The following ITGB3BP variants were observed in gnomAD, a reference collection of about 807,000 sequenced individuals.
The protein encoded by ITGB3BP is centromere protein R.
In ITGB3BP, 27 loss-of-function variants were observed where a neutral mutation model predicts 29.1. The ratio of observed to expected loss-of-function variants is 0.93; its 90% CI spans 0.68 to 1.28. ITGB3BP has a LOEUF of 1.28. ITGB3BP is among the 50% of genes most tolerant of loss of function. The pLI, the probability that ITGB3BP is intolerant of heterozygous loss-of-function variation, is 0.00. For synonymous variants in ITGB3BP, 61 were observed against 61.4 expected, an observed-to-expected ratio of 0.99 and a Z score of 0.03; for missense variants, 192 against 200.2, an observed-to-expected ratio of 0.96 and a Z score of 0.25.
At chr1:63,511,190 T>C (rs951439635) in intron 1 of ITGB3BP, among the ~76,000 whole-genome samples, 1 of 152,090 alleles carries the variant, frequency 6.6e-6, no homozygotes, top group African/African-American at 2.4e-5. Flanking sequence ...ACATCTCTAA[T>C]CATTAGGGAA....
chr1:63,456,364 G>A (rs935812716), intron 4 of ITGB3BP, among the ~76,000 whole-genome samples: 3 of 151,924 alleles, frequency 2.0e-5, no homozygotes, highest in East Asian at 1.9e-4. Context: ...CCTTTATTAC[G>A]TATTTTCAAT....
chr1:63,483,898 T>C (rs925467996), intron 3 of ITGB3BP, among the ~76,000 whole-genome samples: 5 of 152,196 alleles, frequency 3.3e-5, no homozygotes, highest in Non-Finnish European at 5.9e-5. Flanking sequence ...ATAGCATAAA[T>C]GTGTAGTAGG....
intron 1 of ITGB3BP, among the ~76,000 whole-genome samples, chr1:63,509,111 A>C (rs1366743174): frequency 6.6e-6 from 1 of 152,200 alleles, no homozygotes; most frequent in Non-Finnish European, 1.5e-5. Context: ...CTATGTCTTT[A>C]TAAGTCCCCA....
At chr1:63,453,866 C>CA (rs770820160) in intron 7 of ITGB3BP, 52 bp downstream of exon 7, 79 of 1,098,200 alleles carry the variant, frequency 7.2e-5, no homozygotes, top group Non-Finnish European at 9.7e-5. Context: ...TTTTAATTGG[C>CA]AAAATGGGAT....
chr1:63,487,553 A>G (rs1645554772), intron 3 of ITGB3BP, among the ~76,000 whole-genome samples: 2 of 152,092 alleles, frequency 1.3e-5, no homozygotes, highest in Non-Finnish European at 2.9e-5. Context: ...CCTACCACAC[A>G]CCTAGTGTAT....
rs145752875 is a variant in ITGB3BP at position 63,515,934 on chromosome 1, T to A, written c.5+7195A>T. Among the ~76,000 whole-genome samples the A allele has an allele frequency of 3.9e-3, 585 of 151,240 alleles. 3 individuals carry two copies. Among genetic ancestry groups the A allele is most frequent in the African/African-American group, 0.014 (563 of 41,186 alleles). ...TATATCAAAAAGACAAATGTACTTG[T>A]ACATTTATTGTAGCACTATTCACAA... On this transcript the variant is annotated intron_variant, in intron 1 of 8. Transcript: ENST00000271002.
In ITGB3BP at chr1:63,478,779, G is replaced by A; in HGVS notation, c.239C>T (p.Thr80Ile). 1 of 1,455,270 alleles carries A rather than the reference G, an allele frequency of 6.9e-7. No homozygotes were observed. Among genetic ancestry groups the A allele is most frequent in the Admixed American group, 2.3e-5 (1 of 43,728 alleles). The allele number at this position is 1,455,270 out of a possible 1,614,324, so 90.1% of individuals were successfully genotyped here. A position where few individuals can be genotyped will look rare whatever the true frequency, so the allele number is the denominator to read the frequency against. Residue 80 changes from threonine to isoleucine, a missense_variant, in exon 4 of 9, where the codon ACA (threonine) becomes ATA (isoleucine). Physicochemically the swap from Thr to Ile is moderately conservative, Grantham distance 89 (BLOSUM62 -1). Coordinates refer to ENST00000271002, the MANE Select transcript of ITGB3BP (RefSeq NM_014288.5). ...ACAAACTTACTCATCATTGTCTTTT[G>A]TTGTAGATTCTTTGCTTTCAGTTAA... ...PSLTESKESTTKDNDEFMMLL... is the reference protein window; with the variant it reads ...PSLTESKESTIKDNDEFMMLL...
chr1:63,503,016 TG>T (rs940181320), intron 2 of ITGB3BP, among the ~76,000 whole-genome samples: 3 of 152,158 alleles, frequency 2.0e-5, no homozygotes, highest in Admixed American at 2.0e-4. Flanking sequence ...TATAATCCTT[TG>T]GGGTATATAC....
intron 2 of ITGB3BP, among the ~76,000 whole-genome samples, chr1:63,505,145 C>A (rs1236277479): frequency 1.3e-5 from 2 of 152,010 alleles, no homozygotes; most frequent in Non-Finnish European, 2.9e-5. Flanking sequence ...TGGTCCTGGA[C>A]TTTTTTTGGT....
At chr1:63,474,925 AC>A (rs56177781) in intron 4 of ITGB3BP, among the ~76,000 whole-genome samples, 851 of 14,674 alleles carry the variant, frequency 0.058, 11 homozygotes, top group Middle Eastern at 0.1. Flanking sequence ...TAAAAACAAA[AC>A]AAAACAAAAA....
intron 2 of ITGB3BP, among the ~76,000 whole-genome samples, chr1:63,506,151 G>C (rs1402760385): frequency 1.3e-5 from 2 of 152,180 alleles, no homozygotes; most frequent in East Asian, 1.9e-4. Flanking sequence ...GGGAGTCTAA[G>C]TCTCTTTCTA....
At chr1:63,491,956 C>A (rs1203716860) in intron 2 of ITGB3BP, among the ~76,000 whole-genome samples, 1 of 151,984 alleles carries the variant, frequency 6.6e-6, no homozygotes, top group Non-Finnish European at 1.5e-5. Flanking sequence ...TTTATCCAAT[C>A]CCTACTCTAC....
intron 2 of ITGB3BP, among the ~76,000 whole-genome samples, chr1:63,507,211 C>T (rs1646100188): frequency 1.3e-5 from 2 of 152,138 alleles, no homozygotes; most frequent in South Asian, 4.1e-4. Context: ...TAGTACCAAG[C>T]TAAATCAACT....
intron 4 of ITGB3BP, among the ~76,000 whole-genome samples, chr1:63,455,864 G>T (rs1000250370): frequency 7.0e-6 from 1 of 142,898 alleles, no homozygotes; most frequent in Non-Finnish European, 1.5e-5. Flanking sequence ...GGAATAAAAA[G>T]GTAAATTTTC....
intron 8 of ITGB3BP, among the ~76,000 whole-genome samples, 174 bp from the exon 9 acceptor site, chr1:63,441,277 C>A (rs968369511): frequency 1.3e-5 from 2 of 152,102 alleles, no homozygotes; most frequent in Non-Finnish European, 2.9e-5. Flanking sequence ...TCTCACTCTC[C>A]CCCAGGCTGG....
In ITGB3BP at chr1:63,522,945, T is replaced by C. The variant is rs1646491994; in HGVS notation, c.5+184A>G. On this transcript the variant is annotated intron_variant, in intron 1 of 8. Transcript: ENST00000271002. ...AACAGAAAGCGAAGGAGGACTATCG[T>C]ATGAGTACCGCTGGAGGAGACGTAG... The C allele has an allele frequency of 8.9e-6, 7 of 788,678 alleles. No homozygotes were observed. In the East Asian group the frequency reaches 1.7e-4, roughly 19 times the overall value. 48.9% of individuals were successfully genotyped at this position (788,678 alleles called of 1,614,324 possible). A position where few individuals can be genotyped will look rare whatever the true frequency, so the allele number is the denominator to read the frequency against.
At chr1:63,520,885 T>C (rs1477601138) in intron 1 of ITGB3BP, among the ~76,000 whole-genome samples, 1 of 152,194 alleles carries the variant, frequency 6.6e-6, no homozygotes, top group East Asian at 1.9e-4. Flanking sequence ...TATTTTTGCG[T>C]GTTCTTAAGT....
intron 2 of ITGB3BP, among the ~76,000 whole-genome samples, chr1:63,496,838 T>C (rs1014106069): frequency 1.3e-5 from 2 of 152,162 alleles, no homozygotes; most frequent in Non-Finnish European, 2.9e-5. Context: ...TGAGTATGAA[T>C]AGGAAGGTGG....
rs762589977 is a variant in ITGB3BP at position 63,490,046 on chromosome 1, A to C, written c.184+37T>G. On this transcript the variant is annotated intron_variant, in intron 3 of 8. Transcript: ENST00000271002. Reference sequence around the variant, plus strand: ...ATTTTGATTTGGCCAATAACTAGAAAAACCTTACAATAAGTAGAAAAGAAT... The same window carrying C: ...ATTTTGATTTGGCCAATAACTAGAACAACCTTACAATAAGTAGAAAAGAAT... The C allele has an allele frequency of 2.7e-5, 43 of 1,583,274 alleles. No individual in the cohort carries two copies. In the South Asian group the frequency reaches 3.1e-4, roughly 11 times the overall value.
Sources: allele counts gnomAD v4.1 joint callset (sites outside exome capture counted in the v4.1 genomes callset), GRCh38; gene constraint gnomAD v4.1.1; transcripts MANE v1.5; gene names NCBI Gene and HGNC (gene_info 2026-07-23, HGNC 2026-07-21).